SIN3A: variants seen among roughly 807,000 people sequenced by gnomAD.
The protein encoded by SIN3A is paired amphipathic helix protein Sin3a.
SIN3A carries 14 observed loss-of-function variants against 146.1 expected under a neutral mutation model. The observed-to-expected ratio is 0.10, with a 90% CI of 0.06 to 0.15. The LOEUF (loss-of-function observed/expected upper bound fraction) is 0.15, where lower values mean the gene tolerates loss of function less well. SIN3A is among the 10% of genes least tolerant of loss of function. The pLI, the probability that SIN3A is intolerant of heterozygous loss-of-function variation, is 1.00. For missense variants in SIN3A, 1,028 were observed against 1,576.0 expected, an observed-to-expected ratio of 0.65 and a Z score of 5.89; for synonymous variants, 572 against 572.0, an observed-to-expected ratio of 1.00 and a Z score of 0.00.
chr15:75,399,034 A>T (rs1363976041), intron 12 of SIN3A, among the ~76,000 whole-genome samples: 7 of 136,592 alleles, frequency 5.1e-5, no homozygotes, highest in African/African-American at 1.6e-4. Context: ...TTTAAAGTTT[A>T]AAAAAAAAAA....
intron 8 of SIN3A, among the ~76,000 whole-genome samples, chr15:75,408,166 C>A (rs2073555230): frequency 6.6e-6 from 1 of 152,150 alleles, no homozygotes; most frequent in Admixed American, 6.5e-5. Context: ...GAATTTTAAG[C>A]CCCCACTATA....
At chr15:75,421,105 T>TA (rs1253038009) in intron 3 of SIN3A, 2 of 152,232 alleles carry the variant, frequency 1.3e-5, no homozygotes, top group African/African-American at 4.8e-5. Context: ...ATGTTTTTGT[T>TA]AGTTTAATAA....
chr15:75,400,954 C>T lies in SIN3A; in HGVS notation c.1527-14G>A. The stretch of plus-strand genomic sequence containing the variant: ...TCAGGGAATTTCCTGAAGAATCAAA[C>T]CAAAAAGTGACAAGCAATTAGGGGC... On this transcript the variant is annotated splice_polypyrimidine_tract_variant and intron_variant, in intron 10 of 20. Coordinates refer to ENST00000394947, the MANE Select transcript of SIN3A (RefSeq NM_001145358.2). 6.3e-7 allele frequency: 1 copy of T among 1,595,624 alleles called. No individual in the cohort carries two copies. The highest frequency in any genetic ancestry group is 8.6e-7 in the Non-Finnish European group (1 of 1,166,082).
intron 16 of SIN3A, among the ~76,000 whole-genome samples, chr15:75,385,059 G>C (rs1567323120): frequency 6.6e-6 from 1 of 152,188 alleles, no homozygotes; most frequent in Non-Finnish European, 1.5e-5. Context: ...TGTAATCCCA[G>C]CTACTTGGGA....
At chr15:75,392,849 G>C (rs1555443733) in intron 14 of SIN3A, 34 bp from the exon 15 acceptor site, 2 of 1,447,942 alleles carry the variant, frequency 1.4e-6, no homozygotes, top group South Asian at 1.2e-5. Flanking sequence ...TATTCTGTGA[G>C]ATGTCTACAG....
At position 75,375,785 on chromosome 15, in the gene SIN3A, C is replaced by T; in HGVS notation, c.3471G>A (p.Glu1157=). 6 of 1,614,198 alleles carry T rather than the reference C, an allele frequency of 3.7e-6. No homozygotes were observed. Among genetic ancestry groups the T allele is most frequent in the Non-Finnish European group, 5.1e-6 (6 of 1,180,024 alleles). Residue 1157 remains glutamate, a synonymous_variant, in exon 20 of 21, where the codon GAG becomes GAA. Coordinates refer to ENST00000394947, the MANE Select transcript of SIN3A (RefSeq NM_001145358.2). Reference sequence around the variant, plus strand: ...CCAGCTTATCCAGACTATCCACATTCTCCATGGTCTTCTTGCTGTTTCCTT... The same window carrying T: ...CCAGCTTATCCAGACTATCCACATTTTCCATGGTCTTCTTGCTGTTTCCTT... The part of the protein sequence containing the change: ...GKEGNSKKTM[E]NVDSLDKLEC...
At chr15:75,387,738 G>A (rs1016549541) in intron 16 of SIN3A, among the ~76,000 whole-genome samples, 3 of 151,872 alleles carry the variant, frequency 2.0e-5, no homozygotes, top group African/African-American at 4.8e-5. Flanking sequence ...GAAAGACTTC[G>A]TTCCTAGCTG....
intron 9 of SIN3A, among the ~76,000 whole-genome samples, chr15:75,406,340 T>A (rs1343581935): frequency 6.6e-6 from 1 of 152,190 alleles, no homozygotes; most frequent in African/African-American, 2.4e-5. Context: ...TAAATTAGAA[T>A]TCCCCTGAAT....
chr15:75,421,781 C>A (rs1046370101), intron 3 of SIN3A: 1 of 152,142 alleles, frequency 6.6e-6, no homozygotes, highest in African/African-American at 2.4e-5. Flanking sequence ...GAAACCTGAA[C>A]ACTTGCTGCA....
At position 75,411,674 on chromosome 15, in the gene SIN3A, G is replaced by A. The variant is rs757121084; in HGVS notation, c.826C>T (p.Arg276Cys). The change falls in exon 6 of 21, where the codon CGT becomes TGT. Residue 276 changes from arginine (R) to cysteine (C), a missense_variant. Physicochemically the swap from Arg to Cys is radical, Grantham distance 180. Around this residue, in one of 9 missense-constraint regions of SIN3A, gnomAD observed 112 missense variants for 135.7 expected, o/e 0.83. Coordinates refer to ENST00000394947, the MANE Select transcript of SIN3A (RefSeq NM_001145358.2). ...GTGTGAGGCTGGACCGGCGGAGAAC[G>A]TGGGGATGCATACGGTGGAAGTGGG... ...TPPLPPYASP[R>C]SPPVQPHTPV... is the part of the protein sequence containing the mutation. The A allele has an allele frequency of 3.7e-6, 6 of 1,614,052 alleles. 1 individual carries two copies. The South Asian group carries it at 5.5e-5, about 15-fold the overall frequency.
intron 17 of SIN3A, among the ~76,000 whole-genome samples, chr15:75,382,103 C>T (rs2072983469): frequency 1.3e-5 from 2 of 152,202 alleles, no homozygotes. Context: ...ATCAGAATCA[C>T]ATGGAGAAGG....
At chr15:75,454,986 C>G (rs1168236359), upstream of SIN3A, 1 of 152,112 alleles carries the variant, frequency 6.6e-6, no homozygotes, top group African/African-American at 2.4e-5. Context: ...TTTGGAGACC[C>G]GGCAGCTCGC....
intron 1 of SIN3A, among the ~76,000 whole-genome samples, chr15:75,433,049 C>A (rs1282204974): frequency 6.6e-6 from 1 of 151,790 alleles, no homozygotes; most frequent in African/African-American, 2.4e-5. Context: ...AAAATAACAA[C>A]AACAAAAAAA....
chr15:75,436,662 G>A (rs2074113039), intron 1 of SIN3A, among the ~76,000 whole-genome samples: 1 of 151,724 alleles, frequency 6.6e-6, no homozygotes, highest in East Asian at 1.9e-4. Context: ...GTATATGGGT[G>A]TTCATTATAT....
Position 75,392,583 on chromosome 15 carries a change from T to C in SIN3A, c.2510A>G (p.Glu837Gly). 6.2e-7 allele frequency: 1 copy of C among 1,614,142 alleles called. No homozygotes were observed. Among genetic ancestry groups the C allele is most frequent in the Non-Finnish European group, 8.5e-7 (1 of 1,180,014 alleles). The change falls in exon 15 of 21, where the codon GAG (glutamate) becomes GGG (glycine). Residue 837 changes from glutamate to glycine, a missense_variant. Glu to Gly is a moderately conservative substitution (Grantham distance 98). Around this residue, in one of 9 missense-constraint regions of SIN3A, gnomAD observed 488 missense variants for 690.2 expected, o/e 0.71. Transcript: ENST00000394947. ...ATCTACATCCATCTCTTCTTCTTCCTCTTCCTCCACATCTGAGAGATCACC... is the reference window on the plus strand; with the variant it reads ...ATCTACATCCATCTCTTCTTCTTCCCCTTCCTCCACATCTGAGAGATCACC... ...QRGDLSDVEEEEEEEMDVDEA... is the reference protein window; with the variant it reads ...QRGDLSDVEEGEEEEMDVDEA...
At chr15:75,430,053 A>T in intron 2 of SIN3A, 134 bp downstream of exon 2, 1 of 681,626 alleles carries the variant, frequency 1.5e-6, no homozygotes, top group Non-Finnish European at 2.5e-6. Flanking sequence ...GTGAGTACAC[A>T]GTTATTTTTT....
intron 3 of SIN3A, among the ~76,000 whole-genome samples, chr15:75,418,911 C>T (rs998390711): frequency 5.3e-5 from 8 of 152,224 alleles, no homozygotes; most frequent in Non-Finnish European, 8.8e-5. Context: ...CCCGCCACCA[C>T]GGCCGGCTAA....
chr15:75,392,144 C>T (rs1311249173), intron 15 of SIN3A, 98 bp downstream of exon 15: 1 of 1,037,706 alleles, frequency 9.6e-7, no homozygotes, highest in Non-Finnish European at 1.4e-6. Flanking sequence ...GACTCTAATG[C>T]CTGTGCTCTA....
chr15:75,397,016 A>G (rs749993044), intron 12 of SIN3A, among the ~76,000 whole-genome samples: 9 of 152,244 alleles, frequency 5.9e-5, no homozygotes, highest in Non-Finnish European at 1.0e-4. Flanking sequence ...ATACTTAAAT[A>G]TTCAATAGCC....
Sources: gnomAD v4.1 joint callset for allele counts (sites outside exome capture counted in the v4.1 genomes callset) on GRCh38, gnomAD v4.1.1 for gene constraint, gnomAD v4.1.1 regional missense constraint, MANE v1.5 for transcripts, NCBI Gene and HGNC (gene_info 2026-07-23, HGNC 2026-07-21) for gene names.